Variants in PIAS2 observed in about 807,000 individuals in gnomAD.
PIAS2 encodes protein inhibitor of activated STAT 2.
PIAS2 carries 19 observed loss-of-function variants against 69.7 expected under a neutral mutation model. That is an observed-to-expected ratio of 0.27 (90% CI 0.19 to 0.40). The LOEUF (loss-of-function observed/expected upper bound fraction) is 0.40. Among genes scored for constraint, PIAS2 ranks in the 10% least tolerant of loss-of-function variants. PIAS2 has a pLI of 1.00. For missense variants in PIAS2, 624 were observed against 757.0 expected (o/e 0.82, Z 2.06); for synonymous variants, 261 against 263.2 (o/e 0.99, Z 0.08).
At chr18:46,869,305 G>A (rs527316452) in intron 2 of PIAS2, among the ~76,000 whole-genome samples, 26 of 152,102 alleles carry the variant, frequency 1.7e-4, no homozygotes, top group Admixed American at 6.5e-4. Context: ...TATCTAATAC[G>A]AGGAGGGACT....
chr18:46,917,552 C>T (rs1368507492), upstream of PIAS2: 1 of 1,124,238 alleles, frequency 8.9e-7, no homozygotes, highest in African/African-American at 1.7e-5. Context: ...AGCCCCGCCC[C>T]TAGCGGTGCC....
intron 2 of PIAS2, among the ~76,000 whole-genome samples, chr18:46,875,668 G>A (rs919954396): frequency 2.6e-5 from 4 of 152,200 alleles, no homozygotes; most frequent in African/African-American, 9.6e-5. Context: ...CGGCTGTGGA[G>A]GTGAAAGAAT....
At chr18:46,830,796 T>C (rs773595071) in intron 9 of PIAS2, among the ~76,000 whole-genome samples, 15 of 152,146 alleles carry the variant, frequency 9.9e-5, no homozygotes, top group Admixed American at 2.0e-4. Context: ...TCTAGGGAAT[T>C]CTACCAAATA....
intron 1 of PIAS2, chr18:46,893,660 G>C (rs749906965): frequency 2.5e-4 from 39 of 154,132 alleles, no homozygotes; most frequent in Non-Finnish European, 5.4e-4. Context: ...ATAAAGTATT[G>C]CTGGACACAT....
At chr18:46,829,255 C>A (rs1411185583) in intron 10 of PIAS2, among the ~76,000 whole-genome samples, 2 of 152,104 alleles carry the variant, frequency 1.3e-5, no homozygotes, top group Non-Finnish European at 2.9e-5. Flanking sequence ...GTAATCAAGG[C>A]AATGTTAAAA....
intron 11 of PIAS2, among the ~76,000 whole-genome samples, chr18:46,821,703 C>T (rs2042201880): frequency 2.0e-5 from 3 of 152,232 alleles, no homozygotes; most frequent in Middle Eastern, 6.8e-3. Context: ...CATGATAGCA[C>T]CTACCAGGTA....
chr18:46,811,270 A>G lies in PIAS2; in HGVS notation c.*1163T>C, dbSNP rs981556938. On this transcript the variant is annotated 3_prime_UTR_variant, in exon 14 of 14. Coordinates refer to ENST00000585916, the MANE Select transcript of PIAS2 (RefSeq NM_004671.5). ...AGATATCATTTTAAAAAAATGAAAAAAAAAAAAAATCTAATGCTGTCCCTT... is the reference window on the plus strand; with the variant it reads ...AGATATCATTTTAAAAAAATGAAAAGAAAAAAAAATCTAATGCTGTCCCTT... 6.6e-6 allele frequency: 1 copy of G among 152,082 alleles called. No homozygotes were observed. The highest frequency in any genetic ancestry group is 1.5e-5 in the Non-Finnish European group (1 of 68,010). 9.4% of individuals were successfully genotyped at this position (152,082 alleles called of 1,614,324 possible). A position where few individuals can be genotyped will look rare whatever the true frequency, so the allele number is the denominator to read the frequency against.
intron 5 of PIAS2, among the ~76,000 whole-genome samples, chr18:46,848,265 G>A (rs2046438952): frequency 1.3e-5 from 2 of 152,178 alleles, no homozygotes. Context: ...GATACAATCT[G>A]GATCTTATGA....
intron 2 of PIAS2, among the ~76,000 whole-genome samples, chr18:46,864,974 C>T (rs1364522611): frequency 6.6e-6 from 1 of 151,946 alleles, no homozygotes; most frequent in Admixed American, 6.6e-5. Flanking sequence ...ACAAAACACT[C>T]ATATAAGAAA....
At chr18:46,914,299 T>C (rs181709533) in intron 1 of PIAS2, among the ~76,000 whole-genome samples, 1 of 152,278 alleles carries the variant, frequency 6.6e-6, no homozygotes, top group Non-Finnish European at 1.5e-5. Context: ...TTTGTGTGCT[T>C]TGACTCTAAG....
At chr18:46,908,609 T>C (rs575758850) in intron 1 of PIAS2, among the ~76,000 whole-genome samples, 1 of 152,254 alleles carries the variant, frequency 6.6e-6, no homozygotes, top group African/African-American at 2.4e-5. Flanking sequence ...GAAAATATCT[T>C]CGAGAACTCT....
At position 46,917,471 on chromosome 18, in the gene PIAS2, G is replaced by T; in HGVS notation, c.-126C>A. On this transcript the variant is annotated 5_prime_UTR_variant, in exon 1 of 14. Coordinates refer to ENST00000585916, the MANE Select transcript of PIAS2 (RefSeq NM_004671.5). ...TCCTGCACTGGGCGCCGCTTAAGACGCCGCGGCCGCCGCCGCTACAGCCGG... is the reference window on the plus strand; with the variant it reads ...TCCTGCACTGGGCGCCGCTTAAGACTCCGCGGCCGCCGCCGCTACAGCCGG... The T allele has an allele frequency of 8.3e-7, 1 of 1,208,274 alleles. No homozygotes were observed. The highest frequency in any genetic ancestry group is 4.0e-5 in the South Asian group (1 of 24,724). 74.8% of individuals were successfully genotyped at this position (1,208,274 alleles called of 1,614,324 possible). A position where few individuals can be genotyped will look rare whatever the true frequency, so the allele number is the denominator to read the frequency against.
chr18:46,875,477 G>C (rs1189102443), intron 2 of PIAS2, among the ~76,000 whole-genome samples: 1 of 152,172 alleles, frequency 6.6e-6, no homozygotes, highest in Non-Finnish European at 1.5e-5. Context: ...TATTCGAATG[G>C]TATGGGTTAG....
intron 2 of PIAS2, among the ~76,000 whole-genome samples, chr18:46,889,037 A>G (rs1356758828): frequency 6.6e-6 from 1 of 152,248 alleles, no homozygotes; most frequent in Non-Finnish European, 1.5e-5. Context: ...ATCCACAAAC[A>G]AAAGAACAAA....
chr18:46,877,762 A>G (rs1034695097), intron 2 of PIAS2, among the ~76,000 whole-genome samples: 2 of 152,218 alleles, frequency 1.3e-5, no homozygotes, highest in Non-Finnish European at 2.9e-5. Flanking sequence ...GTGCTCTCGC[A>G]GTGGCCAAAA....
intron 2 of PIAS2, among the ~76,000 whole-genome samples, chr18:46,876,494 A>G (rs1406556649): frequency 1.3e-5 from 2 of 152,232 alleles, no homozygotes; most frequent in Non-Finnish European, 2.9e-5. Context: ...CTACCAGCCA[A>G]ATGGCTTCAG....
intron 1 of PIAS2, among the ~76,000 whole-genome samples, chr18:46,908,785 G>A (rs1211949206): frequency 6.6e-6 from 1 of 152,186 alleles, no homozygotes; most frequent in African/African-American, 2.4e-5. Context: ...AAGGTGGGCA[G>A]ATCACCTGAG....
chr18:46,827,870 T>A (rs1362095771), intron 11 of PIAS2, 89 bp downstream of exon 11: 4 of 1,145,204 alleles, frequency 3.5e-6, no homozygotes, highest in Non-Finnish European at 5.0e-6. Context: ...TCTACAGTTA[T>A]GCCATTTCCC....
intron 11 of PIAS2, chr18:46,827,713 A>G (rs992089638): frequency 2.7e-6 from 1 of 365,344 alleles, no homozygotes; most frequent in African/African-American, 2.1e-5. Context: ...GTTCAAGAAA[A>G]TAACAAAAAG....
Sources: allele counts gnomAD v4.1 joint callset (sites outside exome capture counted in the v4.1 genomes callset), GRCh38; gene constraint gnomAD v4.1.1; transcripts MANE v1.5; gene names NCBI Gene and HGNC (gene_info 2026-07-23, HGNC 2026-07-21).